Variants in ADCY2 observed in about 807,000 individuals in gnomAD.
ADCY2 encodes the protein adenylate cyclase 2, also known as adenylate cyclase type 2.
ADCY2 carries 31 observed loss-of-function variants against 125.2 expected under a neutral mutation model. The ratio of observed to expected loss-of-function variants is 0.25; its 90% CI spans 0.19 to 0.33. The LOEUF (loss-of-function observed/expected upper bound fraction) is 0.33, where lower values mean the gene tolerates loss of function less well. ADCY2 is among the 10% of genes least tolerant of loss of function. The pLI, the probability that ADCY2 is intolerant of heterozygous loss-of-function variation, is 1.00. For synonymous variants in ADCY2, 512 were observed against 548.4 expected, an observed-to-expected ratio of 0.93 and a Z score of 0.93; for missense variants, 904 against 1,418.2, an observed-to-expected ratio of 0.64 and a Z score of 5.82.
intron 6 of ADCY2, among the ~76,000 whole-genome samples, chr5:7,697,001 T>A (rs1372830707): frequency 6.6e-6 from 1 of 152,120 alleles, no homozygotes; most frequent in Non-Finnish European, 1.5e-5. Context: ...GACTACCTGT[T>A]CATGTTAGGA....
chr5:7,799,261 A>T (rs1479396096), intron 20 of ADCY2: 1 of 152,340 alleles, frequency 6.6e-6, no homozygotes, highest in Non-Finnish European at 1.5e-5. Context: ...GAAGTCTAAG[A>T]CAATCTCAGG....
intron 2 of ADCY2, among the ~76,000 whole-genome samples, chr5:7,431,415 A>C (rs1331458898): frequency 6.6e-6 from 1 of 152,198 alleles, no homozygotes; most frequent in African/African-American, 2.4e-5. Flanking sequence ...CCATAGATGT[A>C]AATTTTAGAT....
intron 2 of ADCY2, among the ~76,000 whole-genome samples, chr5:7,491,478 T>A (rs1023097187): frequency 6.6e-6 from 1 of 152,194 alleles, no homozygotes; most frequent in Non-Finnish European, 1.5e-5. Flanking sequence ...TAGAAACTAA[T>A]AAAAATGCTA....
At chr5:7,781,918 C>T (rs116176618) in intron 18 of ADCY2, among the ~76,000 whole-genome samples, 3,561 of 152,322 alleles carry the variant, frequency 0.023, 51 homozygotes, top group Middle Eastern at 0.051. Flanking sequence ...CTAACAGCAT[C>T]TATCCACAAG....
chr5:7,443,258 A>C (rs746192115), intron 2 of ADCY2, among the ~76,000 whole-genome samples: 1 of 152,212 alleles, frequency 6.6e-6, no homozygotes, highest in Non-Finnish European at 1.5e-5. Flanking sequence ...ATTTAAATTT[A>C]AAATTATGAG....
chr5:7,777,493 A>G (rs1008262128), intron 18 of ADCY2, among the ~76,000 whole-genome samples: 3 of 152,212 alleles, frequency 2.0e-5, no homozygotes, highest in African/African-American at 7.2e-5. Flanking sequence ...TTCCCTGAAG[A>G]CAGAGCCTAT....
At chr5:7,639,830 G>A (rs973267612) in intron 4 of ADCY2, among the ~76,000 whole-genome samples, 1 of 152,086 alleles carries the variant, frequency 6.6e-6, no homozygotes, top group Non-Finnish European at 1.5e-5. Context: ...TCCCTCCCAG[G>A]CCTGTATTCC....
intron 6 of ADCY2, among the ~76,000 whole-genome samples, chr5:7,696,373 A>G (rs951905012): frequency 1.3e-5 from 2 of 152,194 alleles, no homozygotes; most frequent in Non-Finnish European, 2.9e-5. Context: ...GTGCCACTTA[A>G]ACAGAAATGG....
intron 15 of ADCY2, among the ~76,000 whole-genome samples, chr5:7,749,076 C>G (rs1742723641): frequency 6.6e-6 from 1 of 152,188 alleles, no homozygotes; most frequent in African/African-American, 2.4e-5. Context: ...CATGGACCAG[C>G]ATGGCACCAA....
intron 2 of ADCY2, among the ~76,000 whole-genome samples, chr5:7,430,522 G>GTA (rs139926158): frequency 0.2 from 29,049 of 146,342 alleles, 3,702 homozygotes; most frequent in Non-Finnish European, 0.29. Context: ...ATGTGTGTAT[G>GTA]TATATATATA....
At chr5:7,551,689 A>G (rs1256529981) in intron 3 of ADCY2, among the ~76,000 whole-genome samples, 2 of 152,234 alleles carry the variant, frequency 1.3e-5, no homozygotes, top group Admixed American at 1.3e-4. Context: ...TATCCAAACA[A>G]AACCAGTATC....
rs1741283225 is a variant in ADCY2 at position 7,706,893 on chromosome 5, G to C, written c.1259G>C (p.Gly420Ala). The change falls in exon 8 of 25, where the codon GGG (glycine) becomes GCG (alanine). Residue 420 changes from glycine (G) to alanine (A), a missense_variant. Transcript: ENST00000338316. ...TTGGCCAACCACATGGAAGCTGGAG[G>C]GGTCCCTGGGTAAGGCCAAGCATTG... ...VTLANHMEAG[G>A]VPGRVHISSV... The C allele has an allele frequency of 6.2e-7, 1 of 1,614,020 alleles. No individual in the cohort carries two copies. The highest frequency in any genetic ancestry group is 1.1e-5 in the South Asian group (1 of 91,066).
chr5:7,670,508 A>T (rs1739897997), intron 4 of ADCY2, among the ~76,000 whole-genome samples: 1 of 152,246 alleles, frequency 6.6e-6, no homozygotes, highest in African/African-American at 2.4e-5. Context: ...ACCTTATAAC[A>T]GAAAACAAAA....
chr5:7,802,273 AT>A lies in ADCY2; in HGVS notation c.2687del (p.Phe896SerfsTer10). ...TGCGTCATGTTTGCCTCCATTCCGGATTTCAAAGAATTTTATACAGAATCCG... is the reference window on the plus strand; with the variant it reads ...TGCGTCATGTTTGCCTCCATTCCGGATTCAAAGAATTTTATACAGAATCCG... ...CVCVMFASIPDFKEFYTESDV... is the reference protein window; with the variant it reads ...CVCVMFASIPXFKEFYTESDV... On this transcript the variant is annotated frameshift_variant, in exon 21 of 25. Transcript: ENST00000338316. LOFTEE classifies it high-confidence loss of function. The surrounding 1 kb of genome is among the most constrained non-coding windows in gnomAD (Gnocchi z 4.6). 6.2e-7 allele frequency: 1 copy of A among 1,614,096 alleles called. No individual in the cohort carries two copies.
chr5:7,685,706 G>A (rs901643348), intron 4 of ADCY2, among the ~76,000 whole-genome samples: 3 of 152,216 alleles, frequency 2.0e-5, no homozygotes, highest in Non-Finnish European at 2.9e-5. Context: ...GCTGGAGGAG[G>A]ACTGTTATTG....
chr5:7,773,277 A>G (rs1448947916), intron 18 of ADCY2, among the ~76,000 whole-genome samples, 176 bp downstream of exon 18: 1 of 152,240 alleles, frequency 6.6e-6, no homozygotes, highest in Admixed American at 6.5e-5. Flanking sequence ...TATAGATTAC[A>G]TCTGATTATG....
chr5:7,709,812 T>C lies in ADCY2; in HGVS notation c.1578+425T>C, dbSNP rs1436456914. ...TCATTGCCCAAATGTCCAGGCTGTG[T>C]GGGCAGCAGTGGATACTATCTTGTT... On this transcript the variant is annotated intron_variant, in intron 10 of 24. Transcript: ENST00000338316. The surrounding 1 kb of genome is among the most constrained non-coding windows in gnomAD (Gnocchi z 4.4). 6.6e-6 allele frequency among the ~76,000 whole-genome samples: 1 copy of C among 152,192 alleles called. No homozygotes were observed. The highest frequency in any genetic ancestry group is 2.4e-5 in the African/African-American group (1 of 41,436).
intron 4 of ADCY2, among the ~76,000 whole-genome samples, chr5:7,659,553 G>C (rs1739455049): frequency 6.6e-6 from 1 of 152,154 alleles, no homozygotes; most frequent in Non-Finnish European, 1.5e-5. Context: ...ACAGCTCTGT[G>C]GTTTCTGAGA....
chr5:7,543,340 T>C (rs895889700), intron 3 of ADCY2, among the ~76,000 whole-genome samples: 1 of 146,422 alleles, frequency 6.8e-6, no homozygotes, highest in Non-Finnish European at 1.5e-5. Context: ...AATATCTCAA[T>C]TGATTAATAT....
Sources: allele counts gnomAD v4.1 joint callset (sites outside exome capture counted in the v4.1 genomes callset), GRCh38; gene constraint gnomAD v4.1.1; non-coding constraint Gnocchi (gnomAD v3.1); transcripts MANE v1.5; gene names NCBI Gene and HGNC (gene_info 2026-07-23, HGNC 2026-07-21).